TPP2: variants seen among roughly 807,000 people sequenced by gnomAD.
TPP2 encodes the protein tripeptidyl-peptidase 2.
A neutral mutation model predicts 155.9 loss-of-function variants in TPP2; 34 were observed. The ratio of observed to expected loss-of-function variants is 0.22; its 90% CI spans 0.17 to 0.29. The LOEUF (loss-of-function observed/expected upper bound fraction) is 0.29, where lower values mean the gene tolerates loss of function less well. Ranked by LOEUF, TPP2 falls within the 10% of genes least tolerant of loss-of-function variation. The probability of loss-of-function intolerance (pLI) is 1.00; values close to 1 mark genes in which losing one functional copy is unlikely to be tolerated. For missense variants in TPP2, 1,028 were observed against 1,522.3 expected (o/e 0.68, Z 5.40); for synonymous variants, 510 against 529.4 (o/e 0.96, Z 0.50).
At chr13:102,625,132 A>G (rs1881493693) in intron 6 of TPP2, among the ~76,000 whole-genome samples, 1 of 143,288 alleles carries the variant, frequency 7.0e-6, no homozygotes, top group Admixed American at 7.1e-5. Context: ...TGCTGAGATT[A>G]TAGGTGTGAG....
chr13:102,663,310 G>A (rs1298352610), intron 25 of TPP2, among the ~76,000 whole-genome samples: 1 of 152,040 alleles, frequency 6.6e-6, no homozygotes, highest in East Asian at 1.9e-4. Context: ...ACCACCCCCA[G>A]CTAATTTTTG....
At chr13:102,613,752 C>T (rs1035870768) in intron 2 of TPP2, among the ~76,000 whole-genome samples, 8 of 152,156 alleles carry the variant, frequency 5.3e-5, no homozygotes, top group African/African-American at 1.4e-4. Context: ...CTGTTTGCAT[C>T]GCTCTACTAA....
rs145434883 is a variant in TPP2, at chr13:102,671,461, C to T, written c.3372-2822C>T. On this transcript the variant is annotated intron_variant, in intron 27 of 29. Coordinates refer to ENST00000376052, the MANE Select transcript of TPP2 (RefSeq NM_001330588.2). ...TACCTAAATAAGATTTTGAGAGAGC[C>T]TCATCAGGGGTAGGGGAGAAACAAC... 2.0e-3 allele frequency among the ~76,000 whole-genome samples: 303 copies of T among 152,238 alleles called. 3 individuals are homozygous for T. The highest frequency in any genetic ancestry group is 7.0e-3 in the African/African-American group (290 of 41,542).
At chr13:102,655,511 G>T (rs1028825901) in intron 24 of TPP2, among the ~76,000 whole-genome samples, 1 of 152,182 alleles carries the variant, frequency 6.6e-6, no homozygotes, top group African/African-American at 2.4e-5. Flanking sequence ...CAGTTACTGT[G>T]CCAAAAACAA....
chr13:102,662,480 A>C (rs1244840619), intron 25 of TPP2, among the ~76,000 whole-genome samples: 1 of 152,232 alleles, frequency 6.6e-6, no homozygotes, highest in East Asian at 1.9e-4. Flanking sequence ...AGCATTCCCT[A>C]GCAAAACTTT....
At chr13:102,628,778 A>C (rs559449662) in intron 8 of TPP2, among the ~76,000 whole-genome samples, 5 of 151,798 alleles carry the variant, frequency 3.3e-5, no homozygotes, top group Non-Finnish European at 7.4e-5. Flanking sequence ...GAGTCATTTC[A>C]TTCTTCCCTC....
chr13:102,676,065 A>G (rs1386897105), intron 28 of TPP2, among the ~76,000 whole-genome samples: 2 of 152,116 alleles, frequency 1.3e-5, no homozygotes, highest in Non-Finnish European at 2.9e-5. Flanking sequence ...TCCACGGCTA[A>G]TAATTTCTCA....
chr13:102,658,205 G>T (rs918460479), intron 25 of TPP2, among the ~76,000 whole-genome samples: 2 of 152,100 alleles, frequency 1.3e-5, no homozygotes, highest in Non-Finnish European at 2.9e-5. Flanking sequence ...TTTTACTGCT[G>T]ATATTCTATG....
At chr13:102,633,308 GT>G (rs1350020680) in intron 10 of TPP2, among the ~76,000 whole-genome samples, 1 of 152,198 alleles carries the variant, frequency 6.6e-6, no homozygotes, top group East Asian at 1.9e-4. Flanking sequence ...AGTCAGGGAC[GT>G]GAGGTTAGTC....
chr13:102,637,734 A>G (rs1206877861), intron 14 of TPP2, among the ~76,000 whole-genome samples: 1 of 152,026 alleles, frequency 6.6e-6, no homozygotes, highest in Non-Finnish European at 1.5e-5. Flanking sequence ...TTATTTTTGT[A>G]GAGACAGGAT....
intron 6 of TPP2, among the ~76,000 whole-genome samples, chr13:102,624,343 C>T (rs567299424): frequency 6.6e-6 from 1 of 152,272 alleles, no homozygotes; most frequent in South Asian, 2.1e-4. Context: ...CCTCCTACCT[C>T]CCAGTTCATT....
At chr13:102,637,377 G>C (rs1043120596) in intron 14 of TPP2, 138 bp downstream of exon 14, 2 of 893,870 alleles carry the variant, frequency 2.2e-6, no homozygotes, top group Non-Finnish European at 3.2e-6. Context: ...AGGTTATTCA[G>C]TTCTTCTGGT....
At chr13:102,643,406 C>A in intron 17 of TPP2, 30 bp downstream of exon 17, 1 of 1,557,838 alleles carries the variant, frequency 6.4e-7, no homozygotes, top group Admixed American at 2.0e-5. Context: ...ATAATCCTAA[C>A]ACAATTTATT....
chr13:102,676,397 C>T lies in TPP2; in HGVS notation c.3681C>T (p.Asn1227=), dbSNP rs773520680. 9.3e-6 allele frequency: 15 copies of T among 1,610,262 alleles called. No individual in the cohort carries two copies. The highest frequency in any genetic ancestry group is 3.3e-5 in the South Asian group (3 of 90,954). ...KLVEEKPTKE[N]WKNCIQLMKL... ...TGGAAGAAAAACCAACAAAAGAAAA[C>T]TGGAAAAATTGTATTCAAGTAAGTG... Residue 1227 remains asparagine (N), a synonymous_variant, in exon 29 of 30, where the codon AAC becomes AAT. Coordinates refer to ENST00000376052, the MANE Select transcript of TPP2 (RefSeq NM_001330588.2).
chr13:102,666,220 C>T (rs1253255067), intron 27 of TPP2, among the ~76,000 whole-genome samples: 2 of 152,214 alleles, frequency 1.3e-5, no homozygotes, highest in Non-Finnish European at 2.9e-5. Flanking sequence ...TGACTTGGCC[C>T]AGGTGCCACT....
chr13:102,652,638 T>TA (rs1303582309), intron 24 of TPP2, among the ~76,000 whole-genome samples: 1 of 151,918 alleles, frequency 6.6e-6, no homozygotes, highest in Non-Finnish European at 1.5e-5. Context: ...TATCCTTTAT[T>TA]AAAATGTCTT....
Position 102,636,329 on chromosome 13 carries a change from G to C in TPP2, c.1615G>C (p.Val539Leu). The C allele has an allele frequency of 1.2e-6, 2 of 1,613,900 alleles. No individual in the cohort carries two copies. Among genetic ancestry groups the C allele is most frequent in the Non-Finnish European group, 1.7e-6 (2 of 1,179,916 alleles). Residue 539 changes from valine (V) to leucine (L), a missense_variant, in exon 13 of 30, where the codon GTT (valine) becomes CTT (leucine). This residue lies in a region of TPP2 where 325 missense variants were observed against 463.7 expected (regional missense o/e 0.70). Transcript: ENST00000376052. Reference sequence around the variant, plus strand: ...CCGTGGCATCTACCTCCGAGATCCTGTTCAGGTGGCTGCACCTTCAGATCA... The same window carrying C: ...CCGTGGCATCTACCTCCGAGATCCTCTTCAGGTGGCTGCACCTTCAGATCA... ...NNRGIYLRDP[V>L]QVAAPSDHGV... is the part of the protein sequence containing the mutation.
chr13:102,635,715 A>G lies in TPP2; in HGVS notation c.1509+13A>G, dbSNP rs1882326696. 1.9e-6 allele frequency: 3 copies of G among 1,583,362 alleles called. No individual in the cohort carries two copies. The highest frequency in any genetic ancestry group is 2.2e-5 in the South Asian group (2 of 89,834). On this transcript the variant is annotated intron_variant, in intron 12 of 29. Transcript: ENST00000376052. ...TGGTATTATTCAGGTATTGTTGCCT[A>G]TATGAAAAATGGGTTGTAAAGCATC...
chr13:102,603,428 G>A (rs1440571026), intron 1 of TPP2, among the ~76,000 whole-genome samples: 2 of 152,160 alleles, frequency 1.3e-5, no homozygotes, highest in African/African-American at 2.4e-5. Flanking sequence ...GGAGGTCATC[G>A]AGGAGGCCTT....
Sources: gnomAD v4.1 joint callset for allele counts (sites outside exome capture counted in the v4.1 genomes callset) on GRCh38, gnomAD v4.1.1 for gene constraint, gnomAD v4.1.1 regional missense constraint, MANE v1.5 for transcripts, NCBI Gene and HGNC (gene_info 2026-07-23, HGNC 2026-07-21) for gene names.